DNM3: variants seen among roughly 807,000 people sequenced by gnomAD.
DNM3 encodes dynamin 3, also known as dynamin-3.
DNM3 carries 47 observed loss-of-function variants against 101.6 expected under a neutral mutation model. That is an observed-to-expected ratio of 0.46 (90% CI 0.37 to 0.59). The LOEUF is 0.59. Among genes scored for constraint, DNM3 ranks in the 20% least tolerant of loss-of-function variants. The pLI, the probability that DNM3 is intolerant of heterozygous loss-of-function variation, is 0.00. For synonymous variants in DNM3, 385 were observed against 387.9 expected (o/e 0.99, Z 0.09); for missense variants, 849 against 1,085.7 (o/e 0.78, Z 3.06).
rs1392253238 is a variant in DNM3 at position 172,038,427 on chromosome 1, G to C, written c.958G>C (p.Glu320Gln). Residue 320 changes from glutamate (E) to glutamine (Q), a missense_variant, in exon 7 of 21, where the codon GAA (glutamate) becomes CAA (glutamine). Coordinates refer to ENST00000627582, the MANE Select transcript of DNM3 (RefSeq NM_015569.5). Reference sequence around the variant, plus strand: ...AGAAGCCTACAAAAATTTCAAACCAGAAGACCCAACAAGGAAGACCAAAGC... The same window carrying C: ...AGAAGCCTACAAAAATTTCAAACCACAAGACCCAACAAGGAAGACCAAAGC... ...EVEAYKNFKP[E>Q]DPTRKTKALL... The C allele has an allele frequency of 1.2e-6, 2 of 1,613,348 alleles. No homozygotes were observed. The highest frequency in any genetic ancestry group is 1.7e-5 in the Admixed American group (1 of 59,938).
chr1:172,108,490 T>C (rs899596641), intron 13 of DNM3, among the ~76,000 whole-genome samples: 6 of 152,244 alleles, frequency 3.9e-5, no homozygotes, highest in Non-Finnish European at 8.8e-5. Context: ...AATGGTTTAT[T>C]TGCCTAGCAA....
At chr1:172,004,445 T>C (rs2046546848) in intron 4 of DNM3, among the ~76,000 whole-genome samples, 1 of 151,968 alleles carries the variant, frequency 6.6e-6, no homozygotes, top group Non-Finnish European at 1.5e-5. Context: ...CTCATGCACA[T>C]TGCTGCTGCT....
chr1:172,335,600 C>T (rs911895484), intron 17 of DNM3, among the ~76,000 whole-genome samples: 15 of 152,104 alleles, frequency 9.9e-5, no homozygotes, highest in African/African-American at 3.6e-4. Flanking sequence ...CCATGGAATA[C>T]CATGTGGCCA....
At chr1:172,065,726 T>C (rs1193894955) in intron 10 of DNM3, among the ~76,000 whole-genome samples, 2 of 152,130 alleles carry the variant, frequency 1.3e-5, no homozygotes. Flanking sequence ...CTGGTGATGA[T>C]TTTTGTGGTA....
At chr1:172,044,857 T>C (rs1395283265) in intron 9 of DNM3, among the ~76,000 whole-genome samples, 1 of 152,134 alleles carries the variant, frequency 6.6e-6, no homozygotes, top group East Asian at 1.9e-4. Context: ...GGTTGTTACT[T>C]TCAAGTTTAT....
In DNM3 at chr1:172,411,350, C is replaced by G; in HGVS notation, c.*3509C>G. On this transcript the variant is annotated 3_prime_UTR_variant, in exon 21 of 21. Coordinates refer to ENST00000627582, the MANE Select transcript of DNM3 (RefSeq NM_015569.5). The stretch of plus-strand genomic sequence containing the variant: ...TGGTAATGTCCATAGACATTTGTAT[C>G]TGAATCCACAAGAAGATCTGAATCT... 3.0e-6 allele frequency: 3 copies of G among 984,968 alleles called. No individual in the cohort carries two copies. The highest frequency in any genetic ancestry group is 3.6e-6 in the Non-Finnish European group (3 of 829,638). 61.0% of individuals were successfully genotyped at this position (984,968 alleles called of 1,614,324 possible). A position where few individuals can be genotyped will look rare whatever the true frequency, so the allele number is the denominator to read the frequency against.
At chr1:172,333,173 G>A (rs2066262855) in intron 17 of DNM3, among the ~76,000 whole-genome samples, 1 of 152,054 alleles carries the variant, frequency 6.6e-6, no homozygotes, top group Admixed American at 6.6e-5. Flanking sequence ...GAAGAATTAG[G>A]GATTCTTGTG....
chr1:172,263,400 A>G (rs1187949795), intron 15 of DNM3, among the ~76,000 whole-genome samples: 1 of 152,232 alleles, frequency 6.6e-6, no homozygotes, highest in Non-Finnish European at 1.5e-5. Flanking sequence ...TATGCATTCC[A>G]AAGTATCAAT....
intron 18 of DNM3, among the ~76,000 whole-genome samples, chr1:172,385,043 C>T (rs1414390178): frequency 6.6e-6 from 1 of 152,188 alleles, no homozygotes; most frequent in Non-Finnish European, 1.5e-5. Flanking sequence ...AGTTTCTATT[C>T]TCCTACTCAT....
chr1:172,274,132 A>C (rs1482063929), intron 15 of DNM3, among the ~76,000 whole-genome samples: 4 of 152,072 alleles, frequency 2.6e-5, no homozygotes, highest in Non-Finnish European at 5.9e-5. Context: ...CTAAATTGAT[A>C]GATTTATCTT....
chr1:172,146,519 C>CAATA (rs2057908100), intron 14 of DNM3, among the ~76,000 whole-genome samples: 1 of 152,110 alleles, frequency 6.6e-6, no homozygotes, highest in East Asian at 1.9e-4. Flanking sequence ...AGGACCTATT[C>CAATA]AATAGTGCTT....
chr1:172,158,612 G>A (rs554456544), intron 14 of DNM3, among the ~76,000 whole-genome samples: 21 of 152,084 alleles, frequency 1.4e-4, no homozygotes, highest in Middle Eastern at 3.4e-3. Context: ...CTACTGATTA[G>A]AAAGATGTTT....
At chr1:172,382,073 ATTGT>A (rs1242590996) in intron 18 of DNM3, among the ~76,000 whole-genome samples, 2 of 152,174 alleles carry the variant, frequency 1.3e-5, no homozygotes, top group East Asian at 3.9e-4. Context: ...TCCATATGGA[ATTGT>A]TTAAGAAGTT....
intron 10 of DNM3, among the ~76,000 whole-genome samples, chr1:172,062,142 A>G (rs1203087986): frequency 6.6e-6 from 1 of 152,162 alleles, no homozygotes; most frequent in Non-Finnish European, 1.5e-5. Context: ...ATAATTTACC[A>G]TGGTCCCTGA....
At chr1:172,261,095 T>C (rs571232303) in intron 15 of DNM3, among the ~76,000 whole-genome samples, 1 of 152,278 alleles carries the variant, frequency 6.6e-6, no homozygotes, top group Admixed American at 6.5e-5. Context: ...TATAGGCACA[T>C]GCCACTATGT....
intron 13 of DNM3, 36 bp from the exon 14 acceptor site, chr1:172,131,139 A>G (rs376825199): frequency 1.5e-5 from 24 of 1,596,040 alleles, no homozygotes; most frequent in Non-Finnish European, 2.0e-5. Context: ...GCTTTTGTTA[A>G]ACTAAACACC....
At position 172,407,836 on chromosome 1, in the gene DNM3, G is replaced by C; in HGVS notation, c.2587G>C (p.Asp863His). The C allele has an allele frequency of 6.2e-7, 1 of 1,613,102 alleles. No homozygotes were observed. The highest frequency in any genetic ancestry group is 1.7e-4 in the Middle Eastern group (1 of 6,060). ...IIRPLESSLL[D>H] ...CCGCCCACTAGAATCCTCCCTGTTA[G>C]ACTAAACGAAGTGTCTGGCATGGCA... The change falls in exon 21 of 21, where the codon GAC becomes CAC. Residue 863 changes from aspartate (D) to histidine (H), a missense_variant. Physicochemically the swap from Asp to His is moderately conservative, Grantham distance 81. Around this residue, in one of 5 missense-constraint regions of DNM3, gnomAD observed 256 missense variants for 311.7 expected, o/e 0.82. Coordinates refer to ENST00000627582, the MANE Select transcript of DNM3 (RefSeq NM_015569.5).
At chr1:171,848,235 C>G (rs1263983794) in intron 1 of DNM3, among the ~76,000 whole-genome samples, 1 of 152,134 alleles carries the variant, frequency 6.6e-6, no homozygotes, top group Non-Finnish European at 1.5e-5. Flanking sequence ...TTGGGCCAGC[C>G]TTTTTCTCTT....
At chr1:172,308,259 C>T (rs556179796) in intron 15 of DNM3, among the ~76,000 whole-genome samples, 1 of 152,300 alleles carries the variant, frequency 6.6e-6, no homozygotes, top group Non-Finnish European at 1.5e-5. Flanking sequence ...CTTTCCTTTT[C>T]ACAATTTAAT....
Sources: gnomAD v4.1 joint callset for allele counts (sites outside exome capture counted in the v4.1 genomes callset) on GRCh38, gnomAD v4.1.1 for gene constraint, gnomAD v4.1.1 regional missense constraint, MANE v1.5 for transcripts, NCBI Gene and HGNC (gene_info 2026-07-23, HGNC 2026-07-21) for gene names.